The following KDM4A variants were observed in gnomAD, a reference collection of about 807,000 sequenced individuals.
KDM4A encodes lysine demethylase 4A.
KDM4A carries 23 observed loss-of-function variants against 127.1 expected under a neutral mutation model. That is an observed-to-expected ratio of 0.18 (90% CI 0.13 to 0.26). KDM4A has a LOEUF of 0.26. Ranked by LOEUF, KDM4A falls within the 10% of genes least tolerant of loss-of-function variation. KDM4A has a pLI of 1.00. For missense variants in KDM4A, 890 were observed against 1,329.1 expected (o/e 0.67, Z 5.14); for synonymous variants, 443 against 466.5 (o/e 0.95, Z 0.65).
chr1:43,675,942 G>A (rs1308263562), intron 11 of KDM4A, among the ~76,000 whole-genome samples: 6 of 151,804 alleles, frequency 4.0e-5, no homozygotes, highest in Admixed American at 6.6e-5. Flanking sequence ...GTGTGGTGGC[G>A]GGCGCCTATA....
intron 15 of KDM4A, among the ~76,000 whole-genome samples, 189 bp downstream of exon 15, chr1:43,691,761 C>T (rs2154048616): frequency 6.6e-6 from 1 of 152,272 alleles, no homozygotes; most frequent in South Asian, 2.1e-4. Flanking sequence ...CTTACGGAGT[C>T]TGGATGCTGT....
intron 19 of KDM4A, among the ~76,000 whole-genome samples, chr1:43,701,889 G>A (rs978651144): frequency 2.0e-5 from 3 of 152,206 alleles, no homozygotes; most frequent in African/African-American, 4.8e-5. Context: ...AACCAAAAGT[G>A]TCTTATGAGG....
chr1:43,688,162 C>T lies in KDM4A; in HGVS notation c.1856-752C>T, dbSNP rs758822812. Among the ~76,000 whole-genome samples the T allele has an allele frequency of 6.6e-6, 1 of 151,970 alleles. No individual in the cohort carries two copies. Among genetic ancestry groups the T allele is most frequent in the African/African-American group, 2.4e-5 (1 of 41,380 alleles). ...GTTTGAGGCTGTGGTGAGCTATGATCGCACATGTAAATAGCCACTGTACTC... is the reference window on the plus strand; with the variant it reads ...GTTTGAGGCTGTGGTGAGCTATGATTGCACATGTAAATAGCCACTGTACTC... On this transcript the variant is annotated intron_variant, in intron 12 of 21. Coordinates refer to ENST00000372396, the MANE Select transcript of KDM4A (RefSeq NM_014663.3). This position sits in a 1 kb window ranked among gnomAD's most constrained non-coding sequence, Gnocchi z 4.4.
At chr1:43,663,577 T>C (rs775505107) in intron 5 of KDM4A, among the ~76,000 whole-genome samples, 23 of 152,184 alleles carry the variant, frequency 1.5e-4, no homozygotes, top group Non-Finnish European at 3.1e-4. Flanking sequence ...AGACAAACAT[T>C]GGTTCTCTCT....
At chr1:43,679,731 A>G (rs546954745) in intron 11 of KDM4A, among the ~76,000 whole-genome samples, 1 of 152,298 alleles carries the variant, frequency 6.6e-6, no homozygotes, top group South Asian at 2.1e-4. Context: ...AGTTCTTGTT[A>G]GTTCAAGCTA....
intron 19 of KDM4A, among the ~76,000 whole-genome samples, chr1:43,698,270 G>A (rs367602079): frequency 5.9e-5 from 9 of 152,300 alleles, no homozygotes; most frequent in East Asian, 5.8e-4. Flanking sequence ...ATCTGTTGCC[G>A]TCTAAATTAT....
chr1:43,701,379 T>C (rs1163307707), intron 19 of KDM4A, among the ~76,000 whole-genome samples: 1 of 152,244 alleles, frequency 6.6e-6, no homozygotes, highest in Non-Finnish European at 1.5e-5. Flanking sequence ...CTGACTTTTG[T>C]TTTCCTTGAC....
chr1:43,659,225 C>T (rs1297177084), intron 3 of KDM4A, among the ~76,000 whole-genome samples: 3 of 152,006 alleles, frequency 2.0e-5, no homozygotes, highest in Non-Finnish European at 4.4e-5. Flanking sequence ...CCCAGGAGTT[C>T]GAGGCTACAG....
At chr1:43,652,823 C>T (rs1275155979) in intron 1 of KDM4A, among the ~76,000 whole-genome samples, 1 of 151,598 alleles carries the variant, frequency 6.6e-6, no homozygotes, top group East Asian at 2.0e-4. Flanking sequence ...GCTAGGATTG[C>T]AGGTGCCCGC....
intron 11 of KDM4A, among the ~76,000 whole-genome samples, chr1:43,682,403 A>C (rs1298312326): frequency 1.3e-5 from 2 of 152,208 alleles, no homozygotes. Context: ...GGGTTTAGAC[A>C]GTTGATATAG....
intron 7 of KDM4A, among the ~76,000 whole-genome samples, 198 bp from the exon 8 acceptor site, chr1:43,666,756 T>A (rs1660509477): frequency 6.6e-6 from 1 of 152,102 alleles, no homozygotes; most frequent in Non-Finnish European, 1.5e-5. Flanking sequence ...CCTAGAACAG[T>A]GTTCATTTGG....
intron 11 of KDM4A, among the ~76,000 whole-genome samples, chr1:43,673,633 A>G (rs527964894): frequency 6.6e-6 from 1 of 152,190 alleles, no homozygotes; most frequent in South Asian, 2.1e-4. Context: ...GTTGCAGGCT[A>G]ATGAGCTAAT....
rs74957994 is a variant in KDM4A at position 43,670,321 on chromosome 1, G to C, written c.1363+1022G>C. ...GGGCTGGGCTGGCTTCTCTTCAGCA[G>C]ATTTTCTTTCCCTTTTTTCTCTTCA... On this transcript the variant is annotated intron_variant, in intron 10 of 21. Transcript: ENST00000372396. Among the ~76,000 whole-genome samples, 701 of 152,276 alleles carry C rather than the reference G, an allele frequency of 4.6e-3. 17 individuals are homozygous for C. In the East Asian group the frequency reaches 0.085, roughly 19 times the overall value.
chr1:43,664,261 T>C (rs185547513), intron 5 of KDM4A, among the ~76,000 whole-genome samples: 9 of 152,172 alleles, frequency 5.9e-5, no homozygotes, highest in Middle Eastern at 3.4e-3. Context: ...GACGCAGAGC[T>C]CCTGGATTAA....
chr1:43,666,672 T>TAAC (rs1660507859), intron 7 of KDM4A, 117 bp downstream of exon 7: 1 of 828,134 alleles, frequency 1.2e-6, no homozygotes, highest in African/African-American at 1.7e-5. Flanking sequence ...ATAAACTATG[T>TAAC]AACAACACTT....
chr1:43,671,009 A>G (rs555999168), intron 10 of KDM4A, among the ~76,000 whole-genome samples: 1 of 152,368 alleles, frequency 6.6e-6, no homozygotes, highest in East Asian at 1.9e-4. Context: ...CTGGTCCAAC[A>G]TGATTTGTGA....
At chr1:43,652,992 A>G (rs1660152751) in intron 1 of KDM4A, 145 bp from the exon 2 acceptor site, 3 of 425,788 alleles carry the variant, frequency 7.0e-6, no homozygotes, top group Non-Finnish European at 1.2e-5. Flanking sequence ...CCCCTAAATA[A>G]CTTTTCTAGA....
chr1:43,655,760 G>A lies in KDM4A; in HGVS notation c.308G>A (p.Ser103Asn), dbSNP rs754367391. The A allele has an allele frequency of 1.9e-6, 3 of 1,608,374 alleles. No homozygotes were observed. In the Admixed American group the frequency reaches 5.1e-5, roughly 27 times the overall value. ...CGAGAGTTCCGCAAGATAGCCAATA[G>A]CGATAAGTGAGTGGAAACCCTTTCT... ...TVREFRKIAN[S>N]DKYCTPRYSE... The change falls in exon 3 of 22, where the codon AGC (serine) becomes AAC (asparagine). Residue 103 changes from serine (S) to asparagine (N), a missense_variant. Physicochemically the swap from Ser to Asn is conservative, Grantham distance 46 (BLOSUM62 1). Around this residue, in one of 7 missense-constraint regions of KDM4A, gnomAD observed 41 missense variants for 40.8 expected, o/e 1.00. Transcript: ENST00000372396.
chr1:43,671,663 T>C lies in KDM4A; in HGVS notation c.1522T>C (p.Ser508Pro), dbSNP rs1163986213. The change falls in exon 11 of 22, where the codon TCA becomes CCA. Residue 508 changes from serine to proline, a missense_variant. This residue lies in a region of KDM4A where 389 missense variants were observed against 485.9 expected (regional missense o/e 0.80). Transcript: ENST00000372396. ...TGTCTTCTCAGGCTCCAAAAAGAAA[T>C]CATCTTCTAGCCTGGGCTCTGGCTC... Reference protein sequence around the residue: ...RLVFSGSKKKSSSSLGSGSSR... With the variant: ...RLVFSGSKKKPSSSLGSGSSR... 27 of 1,612,608 alleles carry C rather than the reference T, an allele frequency of 1.7e-5. No individual in the cohort carries two copies. Among genetic ancestry groups the C allele is most frequent in the East Asian group, 2.2e-5 (1 of 44,870 alleles).
Sources: allele counts gnomAD v4.1 joint callset (sites outside exome capture counted in the v4.1 genomes callset), GRCh38; gene constraint gnomAD v4.1.1; regional missense constraint gnomAD v4.1.1; non-coding constraint Gnocchi (gnomAD v3.1); transcripts MANE v1.5; gene names NCBI Gene and HGNC (gene_info 2026-07-23, HGNC 2026-07-21).